MDFIC: variants seen among roughly 807,000 people sequenced by gnomAD.
MDFIC encodes myoD family inhibitor domain-containing protein.
MDFIC carries 17 observed loss-of-function variants against 23.2 expected under a neutral mutation model. The observed-to-expected ratio is 0.73, with a 90% CI of 0.50 to 1.10. The LOEUF (loss-of-function observed/expected upper bound fraction) is 1.10. MDFIC is among the 50% of genes least tolerant of loss of function. The probability of loss-of-function intolerance (pLI) is 0.00; values close to 1 mark genes in which losing one functional copy is unlikely to be tolerated. For synonymous variants in MDFIC, 120 were observed against 115.2 expected (o/e 1.04, Z -0.27); for missense variants, 356 against 316.6 (o/e 1.12, Z -0.95).
chr7:114,999,632 A>C (rs1486813735), intron 4 of MDFIC, among the ~76,000 whole-genome samples: 1 of 152,012 alleles, frequency 6.6e-6, no homozygotes, highest in Non-Finnish European at 1.5e-5. Context: ...AAGGAACCTC[A>C]TAGTTTAAAG....
intron 2 of MDFIC, among the ~76,000 whole-genome samples, chr7:114,938,902 A>C (rs372560367): frequency 7.2e-5 from 11 of 152,178 alleles, no homozygotes; most frequent in African/African-American, 2.7e-4. Context: ...AACATGAAAA[A>C]CCTACTCTGA....
Position 114,923,699 on chromosome 7 carries a change from T to G in MDFIC, c.94+572T>G, listed in dbSNP as rs1467090456. 6 of 1,360,842 alleles carry G rather than the reference T, an allele frequency of 4.4e-6. No individual in the cohort carries two copies. The East Asian group carries it at 1.3e-4, about 30-fold the overall frequency. 84.3% of individuals were successfully genotyped at this position (1,360,842 alleles called of 1,614,324 possible). The stretch of plus-strand genomic sequence containing the variant: ...TTAGCTTCTTTGTGTTCTTCCAAAG[T>G]GTAAACACACACAGCCTATAAAATA... On this transcript the variant is annotated intron_variant, in intron 2 of 4. Transcript: ENST00000393486.
At chr7:114,970,784 G>A (rs1265191422) in intron 3 of MDFIC, among the ~76,000 whole-genome samples, 1 of 152,134 alleles carries the variant, frequency 6.6e-6, no homozygotes, top group Non-Finnish European at 1.5e-5. Flanking sequence ...CTGAAATTCA[G>A]CTAACATGTA....
intron 1 of MDFIC, 138 bp downstream of exon 1, chr7:114,922,774 C>T (rs1198364831): frequency 8.3e-7 from 1 of 1,203,482 alleles, no homozygotes; most frequent in Non-Finnish European, 1.1e-6. Flanking sequence ...TGTCAACTTG[C>T]GCTGTAACAG....
At chr7:115,010,504 A>G (rs1483318307) in intron 4 of MDFIC, among the ~76,000 whole-genome samples, 3 of 152,226 alleles carry the variant, frequency 2.0e-5, no homozygotes, top group African/African-American at 7.2e-5. Context: ...CTATTTAAAA[A>G]AATACAGAAT....
intron 3 of MDFIC, among the ~76,000 whole-genome samples, chr7:114,972,526 G>T (rs1486256327): frequency 2.0e-5 from 3 of 152,164 alleles, no homozygotes; most frequent in Non-Finnish European, 4.4e-5. Context: ...GCAAAGTAAG[G>T]TGGGATGGAT....
At chr7:114,996,986 G>A (rs184459768) in intron 4 of MDFIC, among the ~76,000 whole-genome samples, 10 of 152,188 alleles carry the variant, frequency 6.6e-5, no homozygotes, top group Non-Finnish European at 1.0e-4. Context: ...AATGAAGGAA[G>A]TATTTTAAAA....
intron 4 of MDFIC, among the ~76,000 whole-genome samples, chr7:114,980,367 AC>A (rs1263867707): frequency 6.6e-6 from 1 of 151,832 alleles, no homozygotes; most frequent in East Asian, 1.9e-4. Flanking sequence ...TCTGGTCTTC[AC>A]CTCCTCCTTT....
intron 3 of MDFIC, among the ~76,000 whole-genome samples, chr7:114,948,102 CTT>C (rs1303142734): frequency 6.6e-6 from 1 of 152,126 alleles, no homozygotes; most frequent in Non-Finnish European, 1.5e-5. Flanking sequence ...TGCATGATGA[CTT>C]AAGTGTATTG....
intron 4 of MDFIC, among the ~76,000 whole-genome samples, chr7:115,013,168 T>C (rs1189998327): frequency 6.6e-6 from 1 of 152,190 alleles, no homozygotes; most frequent in Non-Finnish European, 1.5e-5. Context: ...CATTCTGATA[T>C]ATTTTTTAGG....
At chr7:114,968,618 T>G (rs1173337651) in intron 3 of MDFIC, among the ~76,000 whole-genome samples, 1 of 152,176 alleles carries the variant, frequency 6.6e-6, no homozygotes, top group African/African-American at 2.4e-5. Flanking sequence ...TTCTTAGAAC[T>G]TTGCTTGCAG....
intron 1 of MDFIC, 100 bp from the exon 2 acceptor site, chr7:114,922,827 T>A: frequency 7.2e-7 from 1 of 1,396,434 alleles, no homozygotes. Context: ...CGGGGTGGAG[T>A]TTGAGGGAGG....
intron 3 of MDFIC, among the ~76,000 whole-genome samples, chr7:114,955,904 A>G (rs1260777416): frequency 6.6e-6 from 1 of 152,172 alleles, no homozygotes; most frequent in East Asian, 1.9e-4. Flanking sequence ...GCTCAAGCAT[A>G]TGGGATGAGT....
intron 2 of MDFIC, among the ~76,000 whole-genome samples, chr7:114,934,569 C>A (rs1401179308): frequency 2.0e-5 from 3 of 152,150 alleles, no homozygotes; most frequent in Non-Finnish European, 4.4e-5. Context: ...TCCCACCATT[C>A]TTTTGGGTCT....
chr7:115,016,199 T>C lies in MDFIC; in HGVS notation c.*264T>C. The C allele has an allele frequency of 2.6e-6, 1 of 386,972 alleles. No individual in the cohort carries two copies. The highest frequency in any genetic ancestry group is 3.4e-5 in the South Asian group (1 of 29,502). 24.0% of individuals were successfully genotyped at this position (386,972 alleles called of 1,614,324 possible). A position where few individuals can be genotyped will look rare whatever the true frequency, so the allele number is the denominator to read the frequency against. ...ACATTTTGACACCCCCCTTCCCAAA[T>C]GTTAAATGCCTTCTCCTTTTTACCG... On this transcript the variant is annotated 3_prime_UTR_variant, in exon 5 of 5. Coordinates refer to ENST00000393486, the MANE Select transcript of MDFIC (RefSeq NM_001166345.3).
At chr7:114,956,963 C>A (rs1348624373) in intron 3 of MDFIC, among the ~76,000 whole-genome samples, 1 of 152,128 alleles carries the variant, frequency 6.6e-6, no homozygotes, top group Non-Finnish European at 1.5e-5. Context: ...TGTGTTTTGG[C>A]TCCTTGGCTT....
At chr7:114,930,127 TA>T (rs1792281266) in intron 2 of MDFIC, among the ~76,000 whole-genome samples, 2 of 152,090 alleles carry the variant, frequency 1.3e-5, no homozygotes, top group African/African-American at 4.8e-5. Flanking sequence ...CTGGGGCAAA[TA>T]AAATGCCTGC....
chr7:114,979,518 G>A lies in MDFIC; in HGVS notation c.230G>A (p.Arg77His), dbSNP rs774746611. 8 of 1,610,644 alleles carry A rather than the reference G, an allele frequency of 5.0e-6. No homozygotes were observed. In the Admixed American group the frequency reaches 5.0e-5, roughly 10 times the overall value. ...DGELIRTQPQ[R>H]LPQLQTSAQV... Reference sequence around the variant, plus strand: ...GTTTTTAATTTAGCCCAACCTCAGCGCTTGCCTCAGCTTCAGACTTCAGCC... The same window carrying A: ...GTTTTTAATTTAGCCCAACCTCAGCACTTGCCTCAGCTTCAGACTTCAGCC... The change falls in exon 4 of 5, where the codon CGC becomes CAC. Residue 77 changes from arginine to histidine, a missense_variant. Physicochemically the swap from Arg to His is conservative, Grantham distance 29 (BLOSUM62 0). Transcript: ENST00000393486.
chr7:114,976,466 A>C (rs1000732422), intron 3 of MDFIC, among the ~76,000 whole-genome samples: 4 of 152,186 alleles, frequency 2.6e-5, no homozygotes, highest in Non-Finnish European at 5.9e-5. Context: ...TTACAGAAGC[A>C]GCAAATTCAT....
Sources: allele counts gnomAD v4.1 joint callset (sites outside exome capture counted in the v4.1 genomes callset), GRCh38; gene constraint gnomAD v4.1.1; transcripts MANE v1.5; gene names NCBI Gene and HGNC (gene_info 2026-07-23, HGNC 2026-07-21).